Variants in ZBTB8OS observed in about 807,000 individuals in gnomAD.
ZBTB8OS encodes tRNA splicing ligase complex subunit 1.
ZBTB8OS carries 16 observed loss-of-function variants against 29.3 expected under a neutral mutation model. That is an observed-to-expected ratio of 0.55 (90% CI 0.37 to 0.83). ZBTB8OS has a LOEUF of 0.83. Among genes scored for constraint, ZBTB8OS ranks in the 40% least tolerant of loss-of-function variants. The pLI, the probability that ZBTB8OS is intolerant of heterozygous loss-of-function variation, is 0.00. For missense variants in ZBTB8OS, 160 were observed against 196.9 expected, an observed-to-expected ratio of 0.81 and a Z score of 1.12; for synonymous variants, 70 against 64.6, an observed-to-expected ratio of 1.08 and a Z score of -0.40.
rs1644758999 is a variant in ZBTB8OS at position 32,621,567 on chromosome 1, T to C, written c.*295A>G. The C allele has an allele frequency of 3.1e-6, 1 of 327,724 alleles. No homozygotes were observed. Among genetic ancestry groups the C allele is most frequent in the Admixed American group, 4.8e-5 (1 of 20,794 alleles). The allele number at this position is 327,724 out of a possible 1,614,324, so 20.3% of individuals were successfully genotyped here. ...CCTCTCTGGGGTGAGGCTGGAGGGC[T>C]TGCATTGCACTGGAAGGGCATGAGG... On this transcript the variant is annotated 3_prime_UTR_variant, in exon 7 of 7. Coordinates refer to ENST00000468695, the MANE Select transcript of ZBTB8OS (RefSeq NM_178547.5).
chr1:32,623,996 G>A (rs1277155472), intron 6 of ZBTB8OS, among the ~76,000 whole-genome samples: 1 of 152,094 alleles, frequency 6.6e-6, no homozygotes. Context: ...GTTTTCAGGA[G>A]ATCTGATGGT....
At chr1:32,646,096 GATC>G (rs1646806547) in intron 1 of ZBTB8OS, among the ~76,000 whole-genome samples, 1 of 152,156 alleles carries the variant, frequency 6.6e-6, no homozygotes, top group South Asian at 2.1e-4. Context: ...AAGGCAGACA[GATC>G]ATCTGAGGTC....
chr1:32,621,542 C>T lies in ZBTB8OS; in HGVS notation c.*320G>A, dbSNP rs1239503288. On this transcript the variant is annotated 3_prime_UTR_variant, in exon 7 of 7. Transcript: ENST00000468695. ...TCAGGCTGCTGCTGACATCAGTGAT[C>T]CTCTCTGGGGTGAGGCTGGAGGGCT... 1.7e-5 allele frequency: 4 copies of T among 238,118 alleles called. No homozygotes were observed. Among genetic ancestry groups the T allele is most frequent in the Non-Finnish European group, 3.2e-5 (4 of 125,840 alleles). The allele number at this position is 238,118 out of a possible 1,614,324, so 14.8% of individuals were successfully genotyped here. A position where few individuals can be genotyped will look rare whatever the true frequency, so the allele number is the denominator to read the frequency against.
intron 6 of ZBTB8OS, among the ~76,000 whole-genome samples, chr1:32,622,381 A>G (rs1466027314): frequency 6.6e-6 from 1 of 152,240 alleles, no homozygotes; most frequent in African/African-American, 2.4e-5. Context: ...ACCATAGAAT[A>G]CTACACAGCC....
intron 1 of ZBTB8OS, among the ~76,000 whole-genome samples, chr1:32,640,538 G>A (rs568896193): frequency 2.6e-5 from 4 of 151,702 alleles, no homozygotes; most frequent in African/African-American, 9.7e-5. Context: ...TTTTTGAGAC[G>A]GAGTCTCACT....
intron 4 of ZBTB8OS, chr1:32,633,415 C>T (rs970532226): frequency 2.9e-5 from 12 of 419,658 alleles, no homozygotes; most frequent in Middle Eastern, 1.3e-3. Flanking sequence ...TTTTATCACA[C>T]AATCCTGATT....
Position 32,633,637 on chromosome 1 carries a change from T to C in ZBTB8OS, c.327+8A>G. ...TTTGCTCAGTAAAAAAGAAAAACCT[T>C]TGCTTACCCGGGGTATGAAGAATTC... On this transcript the variant is annotated splice_region_variant and intron_variant, in intron 4 of 6. Transcript: ENST00000468695. 6.3e-7 allele frequency: 1 copy of C among 1,586,768 alleles called. No homozygotes were observed. Among genetic ancestry groups the C allele is most frequent in the Non-Finnish European group, 8.5e-7 (1 of 1,171,748 alleles).
intron 6 of ZBTB8OS, among the ~76,000 whole-genome samples, chr1:32,626,947 A>G (rs1256161477): frequency 1.3e-5 from 2 of 152,226 alleles, no homozygotes; most frequent in South Asian, 2.1e-4. Context: ...ATGGGCATAA[A>G]TAAGTTTTAC....
rs1644725249 is a variant in ZBTB8OS, at chr1:32,621,098, T to C, written c.*764A>G. ...AAACCAGCACCTCCCTTGATGTGCA[T>C]ATAGAAAATCTATGTCTTGTGGCCG... On this transcript the variant is annotated 3_prime_UTR_variant, in exon 7 of 7. Coordinates refer to ENST00000468695, the MANE Select transcript of ZBTB8OS (RefSeq NM_178547.5). The C allele has an allele frequency of 6.6e-6, 1 of 152,246 alleles. No individual in the cohort carries two copies. Among genetic ancestry groups the C allele is most frequent in the East Asian group, 1.9e-4 (1 of 5,196 alleles). 9.4% of individuals were successfully genotyped at this position (152,246 alleles called of 1,614,324 possible).
intron 1 of ZBTB8OS, among the ~76,000 whole-genome samples, chr1:32,636,383 C>A (rs1430040454): frequency 6.6e-6 from 1 of 152,044 alleles, no homozygotes; most frequent in African/African-American, 2.4e-5. Context: ...ACCCATTGGG[C>A]GGTTACACTT....
At chr1:32,645,051 T>C (rs1450281033) in intron 1 of ZBTB8OS, among the ~76,000 whole-genome samples, 7 of 151,920 alleles carry the variant, frequency 4.6e-5, no homozygotes, top group East Asian at 2.0e-4. Context: ...TGGTGGCGTG[T>C]GCCTGCAGTC....
At chr1:32,629,253 A>T (rs982252424) in intron 5 of ZBTB8OS, among the ~76,000 whole-genome samples, 6 of 143,458 alleles carry the variant, frequency 4.2e-5, no homozygotes, top group Admixed American at 3.5e-4. Flanking sequence ...TCTACAAAAG[A>T]TTAAAAAAAA....
chr1:32,622,124 T>C (rs1431972864), intron 6 of ZBTB8OS, among the ~76,000 whole-genome samples, 176 bp from the exon 7 acceptor site: 1 of 152,080 alleles, frequency 6.6e-6, no homozygotes, highest in African/African-American at 2.4e-5. Context: ...CCAAGAAAAA[T>C]GAGAGGCAAC....
upstream of ZBTB8OS, chr1:32,650,828 C>CT: frequency 2.0e-6 from 1 of 512,136 alleles, no homozygotes; most frequent in Non-Finnish European, 3.5e-6. Flanking sequence ...GGTTCTTTCC[C>CT]CCGCTTCACC....
chr1:32,623,047 T>C (rs1482166451), intron 6 of ZBTB8OS, among the ~76,000 whole-genome samples: 2 of 152,168 alleles, frequency 1.3e-5, no homozygotes, highest in African/African-American at 4.8e-5. Flanking sequence ...ACCACAGAAT[T>C]AGATGTTCTC....
intron 6 of ZBTB8OS, among the ~76,000 whole-genome samples, chr1:32,626,786 C>T (rs780677951): frequency 2.2e-4 from 34 of 152,044 alleles, no homozygotes; most frequent in Admixed American, 1.3e-4. Context: ...TGACCTAAAG[C>T]GATCTGCCTG....
At chr1:32,642,394 C>T (rs1646480451) in intron 1 of ZBTB8OS, among the ~76,000 whole-genome samples, 2 of 151,634 alleles carry the variant, frequency 1.3e-5, no homozygotes, top group Non-Finnish European at 2.9e-5. Flanking sequence ...ATCCCAGCTA[C>T]TCGGGAGGGT....
chr1:32,638,448 C>A (rs1301681160), intron 1 of ZBTB8OS, among the ~76,000 whole-genome samples: 1 of 151,942 alleles, frequency 6.6e-6, no homozygotes, highest in Non-Finnish European at 1.5e-5. Flanking sequence ...ACCTCAGCCT[C>A]CCAAAAGCTG....
chr1:32,635,711 A>C (rs1027651766), intron 1 of ZBTB8OS, among the ~76,000 whole-genome samples: 1 of 152,226 alleles, frequency 6.6e-6, no homozygotes, highest in African/African-American at 2.4e-5. Flanking sequence ...AAATTATGAC[A>C]GTGAAAGAAA....
Sources: allele counts gnomAD v4.1 joint callset (sites outside exome capture counted in the v4.1 genomes callset), GRCh38; gene constraint gnomAD v4.1.1; transcripts MANE v1.5; gene names NCBI Gene and HGNC (gene_info 2026-07-23, HGNC 2026-07-21).